DPH6: variants seen among roughly 807,000 people sequenced by gnomAD.
The protein encoded by DPH6 is diphthamine biosynthesis 6.
DPH6 carries 33 observed loss-of-function variants against 38.2 expected under a neutral mutation model. The ratio of observed to expected loss-of-function variants is 0.86; its 90% CI spans 0.65 to 1.15. DPH6 has a LOEUF of 1.15. Ranked by LOEUF, DPH6 falls within the 50% of genes most tolerant of loss-of-function variation. The pLI is 0.00. For synonymous variants in DPH6, 108 were observed against 103.0 expected (o/e 1.05, Z -0.30); for missense variants, 325 against 320.0 (o/e 1.02, Z -0.12).
chr15:35,404,551 T>C (rs192247198), intron 6 of DPH6, among the ~76,000 whole-genome samples: 2 of 152,296 alleles, frequency 1.3e-5, no homozygotes, highest in Admixed American at 6.5e-5. Flanking sequence ...TCAATTCTTT[T>C]GTCCATTTTT....
intron 3 of DPH6, chr15:35,490,208 A>AAAGG (rs1319245095): frequency 2.1e-5 from 21 of 984,970 alleles, no homozygotes; most frequent in Non-Finnish European, 2.4e-5. Flanking sequence ...CTAAAGGAAG[A>AAAGG]AAGGAAGGAA....
the DPH6 span, among the ~76,000 whole-genome samples, chr15:35,185,142 T>C: frequency 1.2e-4 from 18 of 152,318 alleles, 1 homozygote; most frequent in African/African-American, 4.3e-4. Context: ...TCTAGTATTT[T>C]ATAGGTACAT....
chr15:35,450,417 G>A (rs2053916827), intron 5 of DPH6, among the ~76,000 whole-genome samples: 1 of 140,374 alleles, frequency 7.1e-6, no homozygotes. Flanking sequence ...TAAAATGAAG[G>A]ACTATAATAC....
chr15:35,287,937 T>C (rs1566860252), intron 3 of DPH6, among the ~76,000 whole-genome samples: 1 of 152,216 alleles, frequency 6.6e-6, no homozygotes, highest in Non-Finnish European at 1.5e-5. Context: ...AAGAAATTTC[T>C]AAATATCAAA....
intron 6 of DPH6, among the ~76,000 whole-genome samples, chr15:35,387,682 A>C (rs2052987977): frequency 6.6e-6 from 1 of 152,158 alleles, no homozygotes; most frequent in Non-Finnish European, 1.5e-5. Context: ...TGACTTTTGC[A>C]CATTGATTTT....
chr15:35,330,298 G>A (rs140757266), downstream of DPH6, among the ~76,000 whole-genome samples: 7 of 152,150 alleles, frequency 4.6e-5, no homozygotes, highest in African/African-American at 1.7e-4. Context: ...TCATGCAGAC[G>A]CTAAGGGTGA....
Position 35,380,860 on chromosome 15 carries a change from T to C in DPH6, c.662+962A>G, listed in dbSNP as rs72703163. 1.7e-3 allele frequency among the ~76,000 whole-genome samples: 264 copies of C among 152,268 alleles called. 1 individual carries two copies. Among genetic ancestry groups the C allele is most frequent in the East Asian group, 5.0e-3 (26 of 5,186 alleles). ...CATCAGTGGTGCCCAGGAGAACACT[T>C]TGGATGTAATAGGTACTTGATGAGT... On this transcript the variant is annotated intron_variant, in intron 7 of 8. Coordinates refer to ENST00000256538, the MANE Select transcript of DPH6 (RefSeq NM_080650.4).
chr15:35,374,426 A>T (rs1326300597), intron 7 of DPH6, among the ~76,000 whole-genome samples: 1 of 152,082 alleles, frequency 6.6e-6, no homozygotes. Context: ...AAATCCTGAC[A>T]TTGACATTTT....
chr15:35,536,278 G>T (rs2141552001), intron 3 of DPH6, among the ~76,000 whole-genome samples: 1 of 151,700 alleles, frequency 6.6e-6, no homozygotes, highest in East Asian at 1.9e-4. Context: ...TTCCATAAAA[G>T]CAATATATTT....
chr15:35,178,954 C>T, the DPH6 span, among the ~76,000 whole-genome samples: 1 of 152,052 alleles, frequency 6.6e-6, no homozygotes, highest in East Asian at 1.9e-4. Flanking sequence ...CACTTGTAAT[C>T]TCAGCACTTT....
At chr15:35,194,261 G>A in the DPH6 span, among the ~76,000 whole-genome samples, 5 of 151,896 alleles carry the variant, frequency 3.3e-5, no homozygotes, top group East Asian at 1.9e-4. Flanking sequence ...TCCTGACATC[G>A]GTGCTTTAAA....
the DPH6 span, among the ~76,000 whole-genome samples, chr15:35,160,551 G>A: frequency 2.6e-5 from 4 of 151,804 alleles, no homozygotes; most frequent in African/African-American, 9.7e-5. Context: ...TCCAGGTAGT[G>A]ACAAAATCGC....
At chr15:35,166,236 C>G in the DPH6 span, among the ~76,000 whole-genome samples, 3 of 151,924 alleles carry the variant, frequency 2.0e-5, no homozygotes, top group Non-Finnish European at 4.4e-5. Flanking sequence ...ATATGGGACA[C>G]TGAGGGGAAT....
chr15:35,412,501 AC>A (rs947342546), intron 5 of DPH6, among the ~76,000 whole-genome samples: 2 of 151,408 alleles, frequency 1.3e-5, no homozygotes, highest in Admixed American at 1.3e-4. Flanking sequence ...GGTATTAAAA[AC>A]CCTTTTCTGC....
chr15:35,160,194 GA>G, the DPH6 span, among the ~76,000 whole-genome samples: 4 of 150,790 alleles, frequency 2.7e-5, no homozygotes, highest in African/African-American at 4.9e-5. Flanking sequence ...ACTAAAAGTT[GA>G]AAAAAAAATT....
rs371300396 is a variant in DPH6 at position 35,440,963 on chromosome 15, AAAAC to A, written c.505+9718_505+9721del. Among the ~76,000 whole-genome samples the A allele has an allele frequency of 4.0e-3, 603 of 152,356 alleles. 4 individuals are homozygous for A. The East Asian group carries it at 0.041, about 10-fold the overall frequency. On this transcript the variant is annotated intron_variant, in intron 5 of 8. Transcript: ENST00000256538. ...AGGAACTTAAACAAATTTACAAGAA[AAAAC>A]AAACAACCCAATCAAAAAGTGGGTG... is the stretch of plus-strand genomic sequence containing the variant.
intron 6 of DPH6, among the ~76,000 whole-genome samples, chr15:35,402,889 TTATAA>T (rs2053239463): frequency 6.6e-6 from 1 of 152,038 alleles, no homozygotes; most frequent in African/African-American, 2.4e-5. Context: ...AACAGATAAC[TTATAA>T]TATCTTATAT....
chr15:35,410,813 G>T, intron 6 of DPH6, 22 bp downstream of exon 6: 1 of 1,568,250 alleles, frequency 6.4e-7, no homozygotes, highest in South Asian at 1.2e-5. Context: ...GCTACATTTT[G>T]AGATCTAGTA....
chr15:35,355,260 T>C (rs1171906519), intron 3 of DPH6, among the ~76,000 whole-genome samples: 2 of 152,220 alleles, frequency 1.3e-5, no homozygotes, highest in Non-Finnish European at 1.5e-5. Context: ...CTGTGTCTTC[T>C]AATTGGAGCA....
Sources: allele counts gnomAD v4.1 joint callset (sites outside exome capture counted in the v4.1 genomes callset), GRCh38; gene constraint gnomAD v4.1.1; transcripts MANE v1.5; gene names NCBI Gene and HGNC (gene_info 2026-07-23, HGNC 2026-07-21).